SHROOM3: variants seen among roughly 807,000 people sequenced by gnomAD.
The protein encoded by SHROOM3 is shroom family member 3.
Under a neutral mutation model 138.6 loss-of-function variants are expected in SHROOM3, and 47 were observed. The observed-to-expected ratio is 0.34, with a 90% CI of 0.27 to 0.43. SHROOM3 has a LOEUF of 0.43. Ranked by LOEUF, SHROOM3 falls within the 20% of genes least tolerant of loss-of-function variation. The pLI is 1.00. For missense variants in SHROOM3, 2,491 were observed against 2,596.5 expected, an observed-to-expected ratio of 0.96 and a Z score of 0.88; for synonymous variants, 1,062 against 1,063.3, an observed-to-expected ratio of 1.00 and a Z score of 0.02.
intron 2 of SHROOM3, among the ~76,000 whole-genome samples, chr4:76,658,803 C>T (rs1246481908): frequency 6.6e-6 from 1 of 152,050 alleles, no homozygotes; most frequent in Non-Finnish European, 1.5e-5. Context: ...GCCAAAACAT[C>T]AAACATTTTT....
At chr4:76,665,653 C>T (rs149991996) in intron 2 of SHROOM3, among the ~76,000 whole-genome samples, 55 of 152,328 alleles carry the variant, frequency 3.6e-4, no homozygotes, top group African/African-American at 1.2e-3. Context: ...CTGGCACTTT[C>T]ATCTGTCTCT....
chr4:76,767,605 A>G lies in SHROOM3; in HGVS notation c.5350-3021A>G, dbSNP rs560332947. On this transcript the variant is annotated intron_variant, in intron 9 of 10. Coordinates refer to ENST00000296043, the MANE Select transcript of SHROOM3 (RefSeq NM_020859.4). ...GGCAGGAGAATCACTTGAACCCAGG[A>G]GGCAAGAGTTTGCAGTGAGCCGAGA... Among the ~76,000 whole-genome samples the G allele has an allele frequency of 3.3e-5, 5 of 152,266 alleles. No individual in the cohort carries two copies. The South Asian group carries it at 1.0e-3, about 32-fold the overall frequency.
intron 1 of SHROOM3, among the ~76,000 whole-genome samples, chr4:76,493,157 G>T (rs1386725180): frequency 6.9e-6 from 1 of 145,218 alleles, no homozygotes; most frequent in African/African-American, 2.6e-5. Context: ...AGAGGCGGCG[G>T]TTGCAGTGAG....
chr4:76,730,732 C>G, intron 3 of SHROOM3, 72 bp from the exon 4 acceptor site: 1 of 1,599,858 alleles, frequency 6.3e-7, no homozygotes, highest in Admixed American at 1.7e-5. Flanking sequence ...TCCAAATCCA[C>G]AAGTCACATC....
intron 2 of SHROOM3, among the ~76,000 whole-genome samples, chr4:76,627,226 C>T (rs1025493754): frequency 5.3e-5 from 8 of 152,122 alleles, no homozygotes; most frequent in African/African-American, 7.2e-5. Flanking sequence ...GAGGTTAACA[C>T]GTGAACTTCT....
chr4:76,595,010 GA>G (rs987256079), intron 2 of SHROOM3, among the ~76,000 whole-genome samples: 6 of 152,204 alleles, frequency 3.9e-5, no homozygotes, highest in African/African-American at 1.4e-4. Flanking sequence ...CTTAGAGTCA[GA>G]AGGCCTGCAT....
chr4:76,455,960 T>C (rs1180666071), intron 1 of SHROOM3, among the ~76,000 whole-genome samples: 1 of 151,962 alleles, frequency 6.6e-6, no homozygotes, highest in Non-Finnish European at 1.5e-5. Flanking sequence ...TAAAATGGTA[T>C]AGTATTTGCA....
At chr4:76,499,875 A>G (rs190108548) in intron 1 of SHROOM3, among the ~76,000 whole-genome samples, 1 of 152,354 alleles carries the variant, frequency 6.6e-6, no homozygotes, top group East Asian at 1.9e-4. Context: ...CTCTGTTTAA[A>G]TGAGCATAGA....
At position 76,741,863 on chromosome 4, in the gene SHROOM3, C is replaced by T. The variant is rs771421867; in HGVS notation, c.3690C>T (p.Asp1230=). The T allele has an allele frequency of 5.6e-6, 9 of 1,611,342 alleles. No homozygotes were observed. Among genetic ancestry groups the T allele is most frequent in the South Asian group, 5.5e-5 (5 of 90,574 alleles). Residue 1230 remains aspartate, a synonymous_variant, in exon 5 of 11, where the codon GAC becomes GAT. Coordinates refer to ENST00000296043, the MANE Select transcript of SHROOM3 (RefSeq NM_020859.4). The surrounding 1 kb of genome is among the most constrained non-coding windows in gnomAD (Gnocchi z 6.2). ...CCGAGGACCTGCTGGAACGCTCGGACGTCCTTGCGGGCCCTGTCCATGTGA... is the reference window on the plus strand; with the variant it reads ...CCGAGGACCTGCTGGAACGCTCGGATGTCCTTGCGGGCCCTGTCCATGTGA... ...MSAEDLLERS[D]VLAGPVHVRS...
At chr4:76,562,666 A>G (rs928688465) in intron 2 of SHROOM3, among the ~76,000 whole-genome samples, 3 of 152,066 alleles carry the variant, frequency 2.0e-5, no homozygotes, top group Non-Finnish European at 4.4e-5. Flanking sequence ...CTTCCTTCAC[A>G]CTGTTTTGCC....
chr4:76,698,888 CA>C (rs1438780398), intron 2 of SHROOM3, among the ~76,000 whole-genome samples: 2 of 151,904 alleles, frequency 1.3e-5, no homozygotes, highest in Admixed American at 6.6e-5. Context: ...TTCTTATCTG[CA>C]AAAAAACCCC....
chr4:76,781,048 A>T lies in SHROOM3; in HGVS notation c.*1871A>T, dbSNP rs1037518415. The stretch of plus-strand genomic sequence containing the variant: ...CCTCAGAGGAATCCAGGGGGCTCCC[A>T]GTTCCCAACACTCTTCGAGATGACC... On this transcript the variant is annotated 3_prime_UTR_variant, in exon 11 of 11. Coordinates refer to ENST00000296043, the MANE Select transcript of SHROOM3 (RefSeq NM_020859.4). 4 of 152,348 alleles carry T rather than the reference A, an allele frequency of 2.6e-5. No individual in the cohort carries two copies. The highest frequency in any genetic ancestry group is 1.9e-4 in the East Asian group (1 of 5,184). 9.4% of individuals were successfully genotyped at this position (152,348 alleles called of 1,614,324 possible).
chr4:76,721,921 T>A (rs1179568030), intron 3 of SHROOM3, among the ~76,000 whole-genome samples: 1 of 152,210 alleles, frequency 6.6e-6, no homozygotes, highest in Non-Finnish European at 1.5e-5. Flanking sequence ...TTTATAAATT[T>A]TGATGATGCA....
At chr4:76,479,669 C>T (rs1579182718) in intron 1 of SHROOM3, among the ~76,000 whole-genome samples, 1 of 151,670 alleles carries the variant, frequency 6.6e-6, no homozygotes, top group Non-Finnish European at 1.5e-5. Flanking sequence ...AACCCCAAGA[C>T]ACATAATCAT....
At chr4:76,525,560 A>C (rs1456121976) in intron 1 of SHROOM3, among the ~76,000 whole-genome samples, 4 of 152,198 alleles carry the variant, frequency 2.6e-5, no homozygotes. Flanking sequence ...CATTGCCCTA[A>C]TGGCTAGTGA....
chr4:76,717,754 C>T (rs1280558471), intron 3 of SHROOM3, among the ~76,000 whole-genome samples: 1 of 151,936 alleles, frequency 6.6e-6, no homozygotes, highest in African/African-American at 2.4e-5. Context: ...AAAAGGAACC[C>T]ATGTGTATAT....
chr4:76,540,089 C>T (rs1733068272), intron 1 of SHROOM3, among the ~76,000 whole-genome samples: 1 of 152,214 alleles, frequency 6.6e-6, no homozygotes, highest in South Asian at 2.1e-4. Context: ...CTGAGGTGAT[C>T]CACCCACTTC....
intron 1 of SHROOM3, among the ~76,000 whole-genome samples, chr4:76,479,732 A>G (rs576293700): frequency 6.6e-6 from 1 of 152,330 alleles, no homozygotes; most frequent in Admixed American, 6.5e-5. Flanking sequence ...AGCCAGAAAG[A>G]AAGGTCGGGT....
intron 3 of SHROOM3, among the ~76,000 whole-genome samples, chr4:76,713,264 C>T (rs1279325716): frequency 3.3e-5 from 5 of 152,208 alleles, no homozygotes; most frequent in African/African-American, 1.2e-4. Context: ...GTTTAGAACA[C>T]AGACACATTG....
Sources: allele counts gnomAD v4.1 joint callset (sites outside exome capture counted in the v4.1 genomes callset), GRCh38; gene constraint gnomAD v4.1.1; non-coding constraint Gnocchi (gnomAD v3.1); transcripts MANE v1.5; gene names NCBI Gene and HGNC (gene_info 2026-07-23, HGNC 2026-07-21).